Variants in PRORP observed in about 807,000 individuals in gnomAD.
PRORP encodes mitochondrial ribonuclease P catalytic subunit.
PRORP carries 51 observed loss-of-function variants against 59.4 expected under a neutral mutation model. That is an observed-to-expected ratio of 0.86 (90% CI 0.69 to 1.08). PRORP has a LOEUF of 1.08. PRORP is among the 50% of genes least tolerant of loss of function. The pLI, the probability that PRORP is intolerant of heterozygous loss-of-function variation, is 0.00. For synonymous variants in PRORP, 231 were observed against 245.6 expected (o/e 0.94, Z 0.55); for missense variants, 646 against 690.3 (o/e 0.94, Z 0.72).
intron 4 of PRORP, among the ~76,000 whole-genome samples, chr14:35,154,566 T>C (rs2047863286): frequency 6.6e-6 from 1 of 152,130 alleles, no homozygotes; most frequent in South Asian, 2.1e-4. Context: ...ATCAAGCATC[T>C]AGAGCTCACT....
chr14:35,265,789 G>A (rs180776323), intron 5 of PRORP, among the ~76,000 whole-genome samples: 35 of 152,122 alleles, frequency 2.3e-4, no homozygotes, highest in Admixed American at 4.6e-4. Flanking sequence ...CGTTTGGGTC[G>A]AAACAAGGTT....
intron 4 of PRORP, among the ~76,000 whole-genome samples, chr14:35,134,568 G>A (rs1247762591): frequency 6.6e-6 from 1 of 152,162 alleles, no homozygotes; most frequent in African/African-American, 2.4e-5. Flanking sequence ...CTCAGAGTGT[G>A]TCTAGAAATG....
chr14:35,189,364 T>G (rs2048825824), intron 5 of PRORP, among the ~76,000 whole-genome samples: 1 of 151,826 alleles, frequency 6.6e-6, no homozygotes. Context: ...TGAGCCATGG[T>G]GCCCAGCCTG....
chr14:35,217,362 G>A lies in PRORP; in HGVS notation c.1275+36585G>A, dbSNP rs189748934. ...CTGAAAATACAAAAATTAACCTGGC[G>A]TGGTGGCAGGCACCTGTAATCCCAG... is the stretch of plus-strand genomic sequence containing the variant. On this transcript the variant is annotated intron_variant, in intron 5 of 7. Transcript: ENST00000534898. 1.9e-4 allele frequency among the ~76,000 whole-genome samples: 29 copies of A among 152,038 alleles called. 1 individual carries two copies. The highest frequency in any genetic ancestry group is 6.5e-4 in the African/African-American group (27 of 41,496).
intron 5 of PRORP, among the ~76,000 whole-genome samples, chr14:35,211,966 G>GT (rs1340289542): frequency 5.3e-5 from 8 of 152,156 alleles, no homozygotes; most frequent in Admixed American, 4.6e-4. Context: ...TTCACTTGCT[G>GT]TATCAACTAA....
rs537635331 is a variant in PRORP at position 35,142,943 on chromosome 14, A to G, written c.1167+15332A>G. 1.6e-3 allele frequency among the ~76,000 whole-genome samples: 231 copies of G among 145,556 alleles called. 25 individuals carry two copies. Among genetic ancestry groups the G allele is most frequent in the Non-Finnish European group, 2.6e-3 (173 of 65,474 alleles). On this transcript the variant is annotated intron_variant, in intron 4 of 7. Coordinates refer to ENST00000534898, the MANE Select transcript of PRORP (RefSeq NM_014672.4). ...TGATCCTCTTGCCTTGGCTTCCCGA[A>G]GTGCTGGGATTACAGGCATAAGCCA... is the stretch of plus-strand genomic sequence containing the variant.
intron 4 of PRORP, chr14:35,159,227 ATTGC>A (rs2047999240): frequency 6.1e-6 from 1 of 163,600 alleles, no homozygotes; most frequent in Non-Finnish European, 1.3e-5. Flanking sequence ...TTCAGGCCTC[ATTGC>A]TTGCCACTCT....
At chr14:35,272,281 A>T (rs1003615583) in intron 7 of PRORP, among the ~76,000 whole-genome samples, 1 of 152,244 alleles carries the variant, frequency 6.6e-6, no homozygotes, top group African/African-American at 2.4e-5. Flanking sequence ...CATGCTATAC[A>T]TGATAAATAT....
rs896784403 is a variant in PRORP, at chr14:35,167,222, C to T, written c.1168-13448C>T. 7.9e-5 allele frequency among the ~76,000 whole-genome samples: 12 copies of T among 152,190 alleles called. No individual in the cohort carries two copies. In the East Asian group the frequency reaches 2.3e-3, roughly 29 times the overall value. On this transcript the variant is annotated intron_variant, in intron 4 of 7. Coordinates refer to ENST00000534898, the MANE Select transcript of PRORP (RefSeq NM_014672.4). ...TATTAGGATAGAAGAAAACAGCTAA[C>T]GGACCACCTGGATTGAGTGGTAAAG...
intron 4 of PRORP, among the ~76,000 whole-genome samples, chr14:35,166,133 T>C (rs8016868): frequency 0.85 from 128,924 of 152,018 alleles, 54,731 homozygotes; most frequent in Admixed American, 0.87. Context: ...AATGTTCTTT[T>C]TCTTAACATT....
intron 3 of PRORP, 115 bp from the exon 4 acceptor site, chr14:35,127,364 T>C (rs2047123618): frequency 2.7e-6 from 2 of 731,524 alleles, no homozygotes; most frequent in Non-Finnish European, 4.1e-6. Context: ...TCACAAAGGT[T>C]TTAATGTTCT....
At chr14:35,158,169 T>C (rs1216533320) in intron 4 of PRORP, 3 of 277,866 alleles carry the variant, frequency 1.1e-5, no homozygotes, top group Non-Finnish European at 7.1e-6. Flanking sequence ...TTTAGCTACA[T>C]GCTCCCTTCT....
rs934359759 is a variant in PRORP, at chr14:35,179,706, G to T, written c.1168-964G>T. ...GAACTTCCTTCTTCAGCTTAGAGAAGTTTGATCGTCTGAAGCCTTCTTCTC... is the reference window on the plus strand; with the variant it reads ...GAACTTCCTTCTTCAGCTTAGAGAATTTTGATCGTCTGAAGCCTTCTTCTC... On this transcript the variant is annotated intron_variant, in intron 4 of 7. Transcript: ENST00000534898. Among the ~76,000 whole-genome samples, 27 of 152,178 alleles carry T rather than the reference G, an allele frequency of 1.8e-4. No individual in the cohort carries two copies. The South Asian group carries it at 2.1e-3, about 12-fold the overall frequency.
chr14:35,276,457 C>T lies in PRORP; in HGVS notation c.*2891C>T, dbSNP rs1566544626. On this transcript the variant is annotated 3_prime_UTR_variant, in exon 8 of 8. Coordinates refer to ENST00000534898, the MANE Select transcript of PRORP (RefSeq NM_014672.4). The stretch of plus-strand genomic sequence containing the variant: ...ATACTGTTTAGAAACAAAACCCTAA[C>T]TTCTGCTTGAGATAAACTGAAGTGC... 3 of 151,860 alleles carry T rather than the reference C, an allele frequency of 2.0e-5. No homozygotes were observed. The highest frequency in any genetic ancestry group is 1.3e-4 in the Admixed American group (2 of 15,192). The allele number at this position is 151,860 out of a possible 1,614,324, so 9.4% of individuals were successfully genotyped here.
chr14:35,270,653 T>C (rs1369073855), intron 7 of PRORP, 57 bp downstream of exon 7: 9 of 1,464,262 alleles, frequency 6.1e-6, no homozygotes, highest in Middle Eastern at 1.8e-4. Flanking sequence ...AGTAAGAATG[T>C]GGCATAGAAA....
chr14:35,272,057 A>C (rs10137440), intron 7 of PRORP, among the ~76,000 whole-genome samples: 7,419 of 152,038 alleles, frequency 0.049, 265 homozygotes, highest in African/African-American at 0.098. Flanking sequence ...CAAAAAAAAA[A>C]CGGAGATGTT....
chr14:35,196,262 C>T (rs1274558652), intron 5 of PRORP, among the ~76,000 whole-genome samples: 2 of 152,154 alleles, frequency 1.3e-5, no homozygotes, highest in African/African-American at 4.8e-5. Context: ...ACCACTTGAG[C>T]CCAGGAGTTA....
chr14:35,135,827 G>A lies in PRORP; in HGVS notation c.1167+8216G>A, dbSNP rs546056129. On this transcript the variant is annotated intron_variant, in intron 4 of 7. Transcript: ENST00000534898. ...ACAAAAATTAGCTGGTCGTGGTGGCGTGCACCTGTAGTCCCAGCTACTAAG... is the reference window on the plus strand; with the variant it reads ...ACAAAAATTAGCTGGTCGTGGTGGCATGCACCTGTAGTCCCAGCTACTAAG... Among the ~76,000 whole-genome samples the A allele has an allele frequency of 1.1e-4, 17 of 152,080 alleles. No homozygotes were observed. The South Asian group carries it at 1.5e-3, about 13-fold the overall frequency.
chr14:35,233,952 C>T (rs559548899), intron 5 of PRORP, among the ~76,000 whole-genome samples: 4 of 152,246 alleles, frequency 2.6e-5, no homozygotes, highest in East Asian at 1.9e-4. Flanking sequence ...TTTCTTGCTT[C>T]GTGACTCTGC....
Sources: gnomAD v4.1 joint callset for allele counts (sites outside exome capture counted in the v4.1 genomes callset) on GRCh38, gnomAD v4.1.1 for gene constraint, MANE v1.5 for transcripts, NCBI Gene and HGNC (gene_info 2026-07-23, HGNC 2026-07-21) for gene names.